The following MTA3 variants were observed in gnomAD, a reference collection of about 807,000 sequenced individuals.
The protein encoded by MTA3 is metastasis associated 1 family member 3.
Under a neutral mutation model 83.5 loss-of-function variants are expected in MTA3, and 34 were observed. That is an observed-to-expected ratio of 0.41 (90% CI 0.31 to 0.54). The LOEUF is 0.54. MTA3 is among the 20% of genes least tolerant of loss of function. MTA3 has a pLI of 0.33. For missense variants in MTA3, 761 were observed against 726.4 expected, an observed-to-expected ratio of 1.05 and a Z score of -0.55; for synonymous variants, 303 against 252.7, an observed-to-expected ratio of 1.20 and a Z score of -1.89.
In MTA3 at chr2:42,530,610, C is replaced by T. The variant is rs1278963883; in HGVS notation, c.-141+35356C>T. ...ACCAGTCTGACCAACATGGAGAAACCCCCTCTCTACTAAAAATACAAAAAA... is the reference window on the plus strand; with the variant it reads ...ACCAGTCTGACCAACATGGAGAAACTCCCTCTCTACTAAAAATACAAAAAA... On this transcript the variant is annotated intron_variant, in intron 2 of 17. Coordinates refer to the MTA3 transcript ENST00000405592. Among the ~76,000 whole-genome samples, 6 of 151,826 alleles carry T rather than the reference C, an allele frequency of 4.0e-5. No homozygotes were observed. The South Asian group carries it at 8.3e-4, about 21-fold the overall frequency.
chr2:42,719,619 C>G (rs755255082), intron 15 of MTA3, among the ~76,000 whole-genome samples: 1 of 152,168 alleles, frequency 6.6e-6, no homozygotes, highest in Non-Finnish European at 1.5e-5. Flanking sequence ...AGCGATCTTC[C>G]TGCCTTGACT....
At chr2:42,543,305 G>A (rs1245308464) in intron 2 of MTA3, among the ~76,000 whole-genome samples, 1 of 151,782 alleles carries the variant, frequency 6.6e-6, no homozygotes, top group Non-Finnish European at 1.5e-5. Context: ...AGCCTCCTGA[G>A]TAGCTGGGAT....
intron 3 of MTA3, among the ~76,000 whole-genome samples, chr2:42,606,660 T>G (rs1683461631): frequency 1.3e-5 from 2 of 150,884 alleles, no homozygotes; most frequent in Non-Finnish European, 3.0e-5. Context: ...GAGACACTCC[T>G]CACTTCCCAG....
At chr2:42,707,774 C>G in intron 12 of MTA3, 129 bp from the exon 13 acceptor site, 1 of 1,016,328 alleles carries the variant, frequency 9.8e-7, no homozygotes, top group Non-Finnish European at 1.4e-6. Flanking sequence ...TTATGTTTGG[C>G]TTGTAAGCTG....
At chr2:42,524,083 G>A (rs1051277627) in intron 2 of MTA3, among the ~76,000 whole-genome samples, 5 of 152,044 alleles carry the variant, frequency 3.3e-5, no homozygotes, top group African/African-American at 1.2e-4. Flanking sequence ...ACCTGGGGGG[G>A]CCATCCTAAG....
chr2:42,524,165 C>T (rs766464896), intron 2 of MTA3, among the ~76,000 whole-genome samples: 1 of 152,098 alleles, frequency 6.6e-6, no homozygotes, highest in Non-Finnish European at 1.5e-5. Context: ...CTCCTCAAGC[C>T]ATTGGAGACA....
intron 2 of MTA3, among the ~76,000 whole-genome samples, chr2:42,497,742 CA>C (rs1235978331): frequency 6.6e-6 from 1 of 152,086 alleles, no homozygotes; most frequent in Non-Finnish European, 1.5e-5. Context: ...TACCTACATC[CA>C]AAGGGGTAAT....
At chr2:42,501,645 G>A (rs924934144) in intron 2 of MTA3, among the ~76,000 whole-genome samples, 15 of 152,240 alleles carry the variant, frequency 9.9e-5, no homozygotes, top group African/African-American at 3.6e-4. Context: ...ATTTATTACA[G>A]AGTGCCAAGC....
At chr2:42,600,943 G>C (rs1682491422) in intron 3 of MTA3, among the ~76,000 whole-genome samples, 1 of 151,800 alleles carries the variant, frequency 6.6e-6, no homozygotes, top group Non-Finnish European at 1.5e-5. Flanking sequence ...GTCATGTTCT[G>C]TCGCTTAGGC....
chr2:42,531,577 C>T (rs1385146250), intron 2 of MTA3, among the ~76,000 whole-genome samples: 2 of 151,434 alleles, frequency 1.3e-5, no homozygotes, highest in African/African-American at 2.4e-5. Flanking sequence ...CTCAGCCTCC[C>T]GAGTAGGTGG....
chr2:42,713,040 A>T (rs1573726499), intron 14 of MTA3, among the ~76,000 whole-genome samples: 1 of 152,230 alleles, frequency 6.6e-6, no homozygotes, highest in African/African-American at 2.4e-5. Context: ...GAGACTCAGG[A>T]TCCTCACAGA....
At chr2:42,607,716 C>T (rs557601711) in intron 3 of MTA3, among the ~76,000 whole-genome samples, 18 of 152,182 alleles carry the variant, frequency 1.2e-4, no homozygotes, top group African/African-American at 3.4e-4. Context: ...TATCTCACAC[C>T]GAGGTGGACA....
At chr2:42,692,461 G>A (rs1258354897) in intron 9 of MTA3, among the ~76,000 whole-genome samples, 5 of 141,240 alleles carry the variant, frequency 3.5e-5, no homozygotes, top group East Asian at 2.0e-4. Context: ...GTCTTGTTCC[G>A]TCACCCAGGC....
chr2:42,708,066 T>C lies in MTA3; in HGVS notation c.1302+12T>C. 1 of 1,589,286 alleles carries C rather than the reference T, an allele frequency of 6.3e-7. No homozygotes were observed. Among genetic ancestry groups the C allele is most frequent in the Non-Finnish European group, 8.5e-7 (1 of 1,172,058 alleles). ...GCCCAACTACAGAGGTACAGTAGTCTTTTTAGTGTTGAAAAATGGCATGTT... is the reference window on the plus strand; with the variant it reads ...GCCCAACTACAGAGGTACAGTAGTCCTTTTAGTGTTGAAAAATGGCATGTT... On this transcript the variant is annotated intron_variant, in intron 13 of 16. Coordinates refer to ENST00000405094, the MANE Select transcript of MTA3 (RefSeq NM_001330442.2).
intron 2 of MTA3, among the ~76,000 whole-genome samples, chr2:42,521,634 C>T (rs770615359): frequency 6.6e-6 from 1 of 152,042 alleles, no homozygotes; most frequent in Non-Finnish European, 1.5e-5. Flanking sequence ...AAGGGTGGCT[C>T]TCAAAATAGG....
chr2:42,557,696 C>T (rs773605799), intron 2 of MTA3, among the ~76,000 whole-genome samples: 3 of 152,088 alleles, frequency 2.0e-5, no homozygotes, highest in Non-Finnish European at 4.4e-5. Context: ...TCTAGGACTT[C>T]GAAGTTTAGC....
chr2:42,649,165 C>T (rs1253690549), intron 6 of MTA3, among the ~76,000 whole-genome samples: 1 of 152,080 alleles, frequency 6.6e-6, no homozygotes, highest in Non-Finnish European at 1.5e-5. Context: ...GAGGCTGAGG[C>T]CGGCAGATCA....
chr2:42,608,965 G>A (rs968477865), intron 3 of MTA3, among the ~76,000 whole-genome samples: 1 of 151,722 alleles, frequency 6.6e-6, no homozygotes, highest in African/African-American at 2.4e-5. Flanking sequence ...TTTTAAGTTG[G>A]AATTTTTCTT....
At chr2:42,551,080 TA>T in intron 2 of MTA3, among the ~76,000 whole-genome samples, 1 of 151,442 alleles carries the variant, frequency 6.6e-6, no homozygotes, top group African/African-American at 2.4e-5. Flanking sequence ...AATAAATAAA[TA>T]AATAAATTAA....
Sources: gnomAD v4.1 joint callset for allele counts (sites outside exome capture counted in the v4.1 genomes callset) on GRCh38, gnomAD v4.1.1 for gene constraint, MANE v1.5 for transcripts, NCBI Gene and HGNC (gene_info 2026-07-23, HGNC 2026-07-21) for gene names.